SSBP2: variants seen among roughly 807,000 people sequenced by gnomAD.
The protein encoded by SSBP2 is single-stranded DNA-binding protein 2.
In SSBP2, 17 loss-of-function variants were observed where a neutral mutation model predicts 61.8. That is an observed-to-expected ratio of 0.28 (90% CI 0.19 to 0.41). The LOEUF is 0.41. SSBP2 is among the 10% of genes least tolerant of loss of function. The pLI is 1.00. For synonymous variants in SSBP2, 139 were observed against 141.3 expected (o/e 0.98, Z 0.12); for missense variants, 310 against 458.7 (o/e 0.68, Z 2.96).
intron 4 of SSBP2, among the ~76,000 whole-genome samples, chr5:81,593,135 G>T (rs1340110250): frequency 1.3e-5 from 2 of 152,134 alleles, no homozygotes; most frequent in African/African-American, 2.4e-5. Context: ...CCAATGCAGA[G>T]AAGTCCTTAA....
At chr5:81,662,755 C>T (rs979860128) in intron 1 of SSBP2, among the ~76,000 whole-genome samples, 16 of 151,956 alleles carry the variant, frequency 1.1e-4, no homozygotes, top group African/African-American at 3.6e-4. Context: ...AAGCCAAGAT[C>T]GAGCCACTAC....
At chr5:81,747,662 A>G (rs1052879955) in intron 1 of SSBP2, among the ~76,000 whole-genome samples, 1 of 152,098 alleles carries the variant, frequency 6.6e-6, no homozygotes, top group Non-Finnish European at 1.5e-5. Context: ...AACATCTTCA[A>G]TAACAATAAT....
chr5:81,468,457 A>G (rs1217639854), intron 8 of SSBP2, among the ~76,000 whole-genome samples: 1 of 151,820 alleles, frequency 6.6e-6, no homozygotes, highest in Non-Finnish European at 1.5e-5. Context: ...GACCCACACT[A>G]CCTGTCAAAT....
chr5:81,513,850 T>C, intron 4 of SSBP2, 133 bp from the exon 5 acceptor site: 1 of 571,524 alleles, frequency 1.7e-6, no homozygotes, highest in East Asian at 3.0e-5. Context: ...TTCCCCATCC[T>C]AGAAGTAAAC....
At chr5:81,575,089 G>A (rs1362407302) in intron 4 of SSBP2, among the ~76,000 whole-genome samples, 1 of 152,140 alleles carries the variant, frequency 6.6e-6, no homozygotes, top group African/African-American at 2.4e-5. Context: ...CCAACATGGT[G>A]AAACCCCGTC....
chr5:81,719,555 A>C (rs1186047733), intron 1 of SSBP2, among the ~76,000 whole-genome samples: 5 of 152,140 alleles, frequency 3.3e-5, no homozygotes, highest in Non-Finnish European at 1.5e-5. Flanking sequence ...CTCCAGAAGA[A>C]GGCTGGCTCA....
chr5:81,682,469 C>G (rs888087678), intron 1 of SSBP2, among the ~76,000 whole-genome samples: 2 of 152,070 alleles, frequency 1.3e-5, no homozygotes, highest in African/African-American at 4.8e-5. Flanking sequence ...TTGATAAAAT[C>G]CAACACCCAT....
chr5:81,510,193 C>T (rs1768490830), intron 5 of SSBP2, among the ~76,000 whole-genome samples: 1 of 152,096 alleles, frequency 6.6e-6, no homozygotes, highest in South Asian at 2.1e-4. Flanking sequence ...TGTCCTAGAC[C>T]TCAAACCTAG....
chr5:81,693,278 G>A (rs560841103), intron 1 of SSBP2, among the ~76,000 whole-genome samples: 1 of 150,244 alleles, frequency 6.7e-6, no homozygotes, highest in South Asian at 2.1e-4. Flanking sequence ...AAGGTTTATT[G>A]AGGAATACCC....
intron 1 of SSBP2, among the ~76,000 whole-genome samples, chr5:81,729,372 C>A (rs1035849804): frequency 6.6e-6 from 1 of 152,020 alleles, no homozygotes; most frequent in African/African-American, 2.4e-5. Flanking sequence ...CAATGTGAAA[C>A]AGTAAATCCC....
intron 4 of SSBP2, among the ~76,000 whole-genome samples, chr5:81,530,375 T>TA (rs1770297602): frequency 6.6e-6 from 1 of 152,112 alleles, no homozygotes; most frequent in African/African-American, 2.4e-5. Flanking sequence ...GTGAGAAACA[T>TA]ACAACTGAAA....
At chr5:81,652,089 C>G (rs945270290) in intron 1 of SSBP2, among the ~76,000 whole-genome samples, 2 of 152,080 alleles carry the variant, frequency 1.3e-5, no homozygotes, top group African/African-American at 4.8e-5. Context: ...AACAATAAAG[C>G]TGGTCCACCA....
chr5:81,585,724 A>G (rs1456085485), intron 4 of SSBP2, among the ~76,000 whole-genome samples: 3 of 152,168 alleles, frequency 2.0e-5, no homozygotes, highest in African/African-American at 7.2e-5. Context: ...ATTATTAACT[A>G]TAGTCATTAT....
At chr5:81,540,204 T>C (rs1421327725) in intron 4 of SSBP2, among the ~76,000 whole-genome samples, 12 of 152,198 alleles carry the variant, frequency 7.9e-5, no homozygotes, top group Admixed American at 7.9e-4. Flanking sequence ...AATAAACATA[T>C]GTGTGCATGC....
chr5:81,487,121 T>C (rs75409829), intron 6 of SSBP2, among the ~76,000 whole-genome samples: 4,007 of 152,280 alleles, frequency 0.026, 178 homozygotes, highest in African/African-American at 0.089. Flanking sequence ...AAAGAGAACT[T>C]ATTGTAATAA....
chr5:81,698,387 T>C (rs990450197), intron 1 of SSBP2, among the ~76,000 whole-genome samples: 1 of 152,182 alleles, frequency 6.6e-6, no homozygotes, highest in African/African-American at 2.4e-5. Flanking sequence ...AATGGCACAA[T>C]ATAGCACAAA....
intron 3 of SSBP2, among the ~76,000 whole-genome samples, chr5:81,636,193 C>T (rs970145901): frequency 6.6e-6 from 1 of 152,186 alleles, no homozygotes; most frequent in Admixed American, 6.5e-5. Context: ...ACAGCCCTCA[C>T]CAGAAACTGA....
intron 5 of SSBP2, among the ~76,000 whole-genome samples, chr5:81,501,266 TATAC>T (rs1396109396): frequency 6.2e-4 from 23 of 36,938 alleles, no homozygotes; most frequent in Non-Finnish European, 1.0e-3. Context: ...TATATATATA[TATAC>T]ACACACACAC....
At chr5:81,608,288 C>T (rs1745073959) in intron 4 of SSBP2, among the ~76,000 whole-genome samples, 1 of 152,036 alleles carries the variant, frequency 6.6e-6, no homozygotes, top group African/African-American at 2.4e-5. Flanking sequence ...TCTTCATTCT[C>T]ATTCATTATT....
Sources: gnomAD v4.1 joint callset for allele counts (sites outside exome capture counted in the v4.1 genomes callset) on GRCh38, gnomAD v4.1.1 for gene constraint, MANE v1.5 for transcripts, NCBI Gene and HGNC (gene_info 2026-07-23, HGNC 2026-07-21) for gene names.